CHD1L: variants seen among roughly 807,000 people sequenced by gnomAD.
CHD1L encodes the protein chromodomain helicase DNA binding protein 1 like.
In CHD1L, 118 loss-of-function variants were observed where a neutral mutation model predicts 115.9. The ratio of observed to expected loss-of-function variants is 1.02; its 90% CI spans 0.88 to 1.19. CHD1L has a LOEUF of 1.19. CHD1L is among the 50% of genes most tolerant of loss of function. The pLI, the probability that CHD1L is intolerant of heterozygous loss-of-function variation, is 0.00. For missense variants in CHD1L, 1,179 were observed against 1,065.3 expected (o/e 1.11, Z -1.49); for synonymous variants, 411 against 387.1 (o/e 1.06, Z -0.72).
At chr1:147,191,394 T>C in the CHD1L span, among the ~76,000 whole-genome samples, 1 of 152,180 alleles carries the variant, frequency 6.6e-6, no homozygotes, top group Non-Finnish European at 1.5e-5. Flanking sequence ...TGTGAGATGG[T>C]ATCCCATTGT....
the CHD1L span, chr1:147,212,683 ATT>A: frequency 1.4e-6 from 1 of 724,452 alleles, no homozygotes; most frequent in Non-Finnish European, 2.2e-6. Flanking sequence ...CTTTCTCAGT[ATT>A]TTTGCCTATT....
chr1:147,178,283 G>A, the CHD1L span: 1 of 1,613,490 alleles, frequency 6.2e-7, no homozygotes, highest in Non-Finnish European at 8.5e-7. Flanking sequence ...GCCCCCTGGT[G>A]TGGACACTGC....
chr1:147,271,523 C>CTCTA lies in CHD1L; in HGVS notation c.1159+519_1159+522dup, dbSNP rs1349701312. 2.6e-5 allele frequency among the ~76,000 whole-genome samples: 4 copies of CTCTA among 152,156 alleles called. No individual in the cohort carries two copies. The East Asian group carries it at 7.7e-4, about 29-fold the overall frequency. On this transcript the variant is annotated intron_variant, in intron 11 of 22. Coordinates refer to ENST00000369258, the MANE Select transcript of CHD1L (RefSeq NM_004284.6). ...ATTTGTGTGAGATGATGAGAAAAGG[C>CTCTA]TCTAACATGAGTTGATCTTGAGCCC...
the CHD1L span, among the ~76,000 whole-genome samples, chr1:147,185,999 T>G: frequency 4.6e-5 from 7 of 152,148 alleles, no homozygotes; most frequent in Non-Finnish European, 1.0e-4. Context: ...AAATACTTAC[T>G]TAGACTCCAT....
intron 15 of CHD1L, among the ~76,000 whole-genome samples, chr1:147,282,046 CG>C (rs1359710335): frequency 1.4e-4 from 22 of 152,126 alleles, no homozygotes; most frequent in African/African-American, 4.8e-4. Context: ...AAGGAAAATT[CG>C]TTTGGGGATC....
chr1:147,184,569 A>G, the CHD1L span: 26 of 1,549,420 alleles, frequency 1.7e-5, no homozygotes, highest in Non-Finnish European at 2.3e-5. This position sits in a 1 kb window ranked among gnomAD's most constrained non-coding sequence, Gnocchi z 4.4. Flanking sequence ...GTTTTGAGGT[A>G]GTCAGGTATT....
At chr1:147,283,602 A>G (rs1553963312) in intron 15 of CHD1L, among the ~76,000 whole-genome samples, 1 of 152,204 alleles carries the variant, frequency 6.6e-6, no homozygotes, top group Non-Finnish European at 1.5e-5. Flanking sequence ...ACACGATTAT[A>G]GTTGTGAAAG....
rs1553967270 is a variant in CHD1L, at chr1:147,287,737, A to G, written c.2320+4A>G. On this transcript the variant is annotated splice_donor_region_variant and intron_variant, in intron 19 of 22. Coordinates refer to ENST00000369258, the MANE Select transcript of CHD1L (RefSeq NM_004284.6). ...GAGCTGGCTGGGAAAATGAAAGGTAAGAAGCAAAGCAGAGGGAAAGGTTAA... is the reference window on the plus strand; with the variant it reads ...GAGCTGGCTGGGAAAATGAAAGGTAGGAAGCAAAGCAGAGGGAAAGGTTAA... 1 of 1,613,244 alleles carries G rather than the reference A, an allele frequency of 6.2e-7. No individual in the cohort carries two copies. The highest frequency in any genetic ancestry group is 1.3e-5 in the African/African-American group (1 of 75,050).
intron 19 of CHD1L, among the ~76,000 whole-genome samples, chr1:147,290,373 C>G (rs2102990311): frequency 6.6e-6 from 1 of 152,312 alleles, no homozygotes; most frequent in East Asian, 1.9e-4. Flanking sequence ...ACATAAGCCA[C>G]TGCACCCAGC....
chr1:147,179,968 G>A, the CHD1L span, among the ~76,000 whole-genome samples: 1 of 151,120 alleles, frequency 6.6e-6, no homozygotes, highest in East Asian at 2.0e-4. Flanking sequence ...AAAAAAAATA[G>A]GAATGCGGTC....
intron 1 of CHD1L, among the ~76,000 whole-genome samples, chr1:147,249,332 T>C (rs1667628698): frequency 6.6e-6 from 1 of 152,016 alleles, no homozygotes; most frequent in Non-Finnish European, 1.5e-5. Context: ...TTTGTTTTTT[T>C]TCTGGCTGCA....
At chr1:147,201,139 C>G in the CHD1L span, 2 of 1,575,640 alleles carry the variant, frequency 1.3e-6, no homozygotes, top group Non-Finnish European at 8.7e-7. Context: ...AGTCTATTTG[C>G]ATGGTCACTT....
chr1:147,256,741 G>A (rs1264490522), intron 5 of CHD1L, among the ~76,000 whole-genome samples, 179 bp downstream of exon 5: 2 of 152,164 alleles, frequency 1.3e-5, no homozygotes, highest in African/African-American at 4.8e-5. Context: ...CATTAGCTGT[G>A]TGTCCTTGGG....
the CHD1L span, among the ~76,000 whole-genome samples, chr1:147,188,800 T>C: frequency 1.1e-4 from 16 of 150,954 alleles, 1 homozygote; most frequent in African/African-American, 3.6e-4. Context: ...CTTGGGTTAC[T>C]GACTACTCAG....
chr1:147,194,261 A>G, the CHD1L span, among the ~76,000 whole-genome samples: 1 of 152,074 alleles, frequency 6.6e-6, no homozygotes, highest in South Asian at 2.1e-4. Context: ...CCATTATTTA[A>G]TGGCCTTCTT....
At chr1:147,202,639 G>A in the CHD1L span, among the ~76,000 whole-genome samples, 2 of 152,182 alleles carry the variant, frequency 1.3e-5, no homozygotes, top group East Asian at 3.9e-4. Context: ...CTTAATGCCT[G>A]AATACTATAT....
At chr1:147,214,338 C>G in the CHD1L span, among the ~76,000 whole-genome samples, 6 of 151,956 alleles carry the variant, frequency 3.9e-5, no homozygotes, top group African/African-American at 1.5e-4. Context: ...GTAATCCCAG[C>G]TACTCGGGAG....
At chr1:147,290,412 A>AT (rs1572197439) in intron 19 of CHD1L, among the ~76,000 whole-genome samples, 1 of 152,166 alleles carries the variant, frequency 6.6e-6, no homozygotes, top group East Asian at 1.9e-4. Context: ...AATGAGGAAG[A>AT]TTACATACTT....
chr1:147,287,617 T>G lies in CHD1L; in HGVS notation c.2222-18T>G. On this transcript the variant is annotated intron_variant, in intron 18 of 22. Coordinates refer to ENST00000369258, the MANE Select transcript of CHD1L (RefSeq NM_004284.6). ...ACTTCACCTCCTATAGATGAAAATT[T>G]TCTCTTTCTTCAAACAGATGACTCT... The G allele has an allele frequency of 6.2e-7, 1 of 1,603,756 alleles. No homozygotes were observed. Among genetic ancestry groups the G allele is most frequent in the Non-Finnish European group, 8.5e-7 (1 of 1,173,212 alleles).
Sources: allele counts gnomAD v4.1 joint callset (sites outside exome capture counted in the v4.1 genomes callset), GRCh38; gene constraint gnomAD v4.1.1; non-coding constraint Gnocchi (gnomAD v3.1); transcripts MANE v1.5; gene names NCBI Gene and HGNC (gene_info 2026-07-23, HGNC 2026-07-21).